Variants in PGM1 observed in about 807,000 individuals in gnomAD.
PGM1 encodes the protein phosphoglucomutase 1.
Under a neutral mutation model 55.6 loss-of-function variants are expected in PGM1, and 52 were observed. That is an observed-to-expected ratio of 0.94 (90% CI 0.75 to 1.18). PGM1 has a LOEUF of 1.18. Ranked by LOEUF, PGM1 falls within the 50% of genes most tolerant of loss-of-function variation. The pLI, the probability that PGM1 is intolerant of heterozygous loss-of-function variation, is 0.00. For missense variants in PGM1, 724 were observed against 729.3 expected (o/e 0.99, Z 0.08); for synonymous variants, 287 against 271.7 (o/e 1.06, Z -0.55).
intron 4 of PGM1, among the ~76,000 whole-genome samples, chr1:63,634,385 G>A (rs1023162381): frequency 1.3e-5 from 2 of 152,144 alleles, no homozygotes; most frequent in Non-Finnish European, 2.9e-5. Context: ...CTGAGGCACA[G>A]AGAGTTTAAA....
intron 1 of PGM1, among the ~76,000 whole-genome samples, chr1:63,608,066 G>A (rs1648471378): frequency 6.6e-6 from 1 of 152,220 alleles, no homozygotes; most frequent in Non-Finnish European, 1.5e-5. Context: ...AGAGGTGTCA[G>A]CATTGTTTGA....
chr1:63,630,816 T>C (rs1193097460), intron 3 of PGM1, among the ~76,000 whole-genome samples: 1 of 152,224 alleles, frequency 6.6e-6, no homozygotes, highest in Non-Finnish European at 1.5e-5. Context: ...ATGTTTTCTT[T>C]CTTCTGGATT....
At chr1:63,651,122 C>T (rs546847386) in intron 8 of PGM1, among the ~76,000 whole-genome samples, 34 of 152,132 alleles carry the variant, frequency 2.2e-4, no homozygotes, top group Non-Finnish European at 3.7e-4. Context: ...TGTTTGGCGT[C>T]TTCATCTGGT....
At chr1:63,641,008 T>G (rs899147272) in intron 7 of PGM1, among the ~76,000 whole-genome samples, 5 of 152,244 alleles carry the variant, frequency 3.3e-5, no homozygotes, top group African/African-American at 1.2e-4. Flanking sequence ...GGAAGTTGCA[T>G]AATACTGTTT....
intron 10 of PGM1, among the ~76,000 whole-genome samples, chr1:63,657,679 T>C (rs1368516527): frequency 6.6e-6 from 1 of 152,214 alleles, no homozygotes; most frequent in Non-Finnish European, 1.5e-5. Context: ...CCTTCCTGTG[T>C]CTGTGAATTT....
chr1:63,657,317 A>C (rs575560222), intron 10 of PGM1, among the ~76,000 whole-genome samples: 1 of 152,274 alleles, frequency 6.6e-6, no homozygotes, highest in South Asian at 2.1e-4. Context: ...AAGTTGTTAC[A>C]ATTTTATGAA....
intron 1 of PGM1, among the ~76,000 whole-genome samples, chr1:63,597,523 C>T (rs1375642878): frequency 6.6e-6 from 1 of 152,174 alleles, no homozygotes; most frequent in Non-Finnish European, 1.5e-5. Context: ...TGGTCTCCCA[C>T]CTTCCTCTAA....
intron 1 of PGM1, among the ~76,000 whole-genome samples, chr1:63,613,123 G>T (rs1648611673): frequency 6.6e-6 from 1 of 151,976 alleles, no homozygotes; most frequent in South Asian, 2.1e-4. Flanking sequence ...CCCATGCAGG[G>T]TTACTTAATG....
intron 1 of PGM1, among the ~76,000 whole-genome samples, chr1:63,624,972 T>G (rs1648981207): frequency 6.6e-6 from 1 of 152,236 alleles, no homozygotes; most frequent in Non-Finnish European, 1.5e-5. Context: ...GCATACACAT[T>G]TTTAAGATAA....
chr1:63,614,064 T>G (rs1453264163), intron 1 of PGM1, among the ~76,000 whole-genome samples: 6 of 152,214 alleles, frequency 3.9e-5, no homozygotes, highest in Non-Finnish European at 8.8e-5. Flanking sequence ...TGAGAATACC[T>G]ACACCACTGA....
intron 1 of PGM1, among the ~76,000 whole-genome samples, chr1:63,602,203 T>C (rs1648263319): frequency 1.3e-5 from 2 of 152,190 alleles, no homozygotes; most frequent in Non-Finnish European, 2.9e-5. Flanking sequence ...AGAAACTGGC[T>C]TGGGCAATGT....
At chr1:63,628,094 A>G (rs560214220) in intron 1 of PGM1, among the ~76,000 whole-genome samples, 1 of 152,206 alleles carries the variant, frequency 6.6e-6, no homozygotes, top group Admixed American at 6.5e-5. Context: ...TCATGTTTGC[A>G]GTGGTACTTG....
At chr1:63,647,282 AT>A (rs1280163992) in intron 7 of PGM1, among the ~76,000 whole-genome samples, 1 of 58,030 alleles carries the variant, frequency 1.7e-5, no homozygotes, top group Admixed American at 1.3e-4. Context: ...ATATATATAT[AT>A]ATATATATAT....
In PGM1 at chr1:63,631,673, G is replaced by C. The variant is rs112502842; in HGVS notation, c.573G>C (p.Ser191=). Reference sequence around the variant, plus strand: ...TTCTCACAGTGGAAATTGTGGATTCGGTAGAAGCTTATGCTACAATGCTGA... The same window carrying C: ...TTCTCACAGTGGAAATTGTGGATTCCGTAGAAGCTTATGCTACAATGCTGA... ...FKPFTVEIVD[S]VEAYATMLRS... The change falls in exon 4 of 11, where the codon TCG becomes TCC. Residue 191 remains serine, a synonymous_variant. Coordinates refer to ENST00000371084, the MANE Select transcript of PGM1 (RefSeq NM_002633.3). 6.2e-7 allele frequency: 1 copy of C among 1,613,214 alleles called. No individual in the cohort carries two copies. The highest frequency in any genetic ancestry group is 1.7e-5 in the Admixed American group (1 of 59,996).
intron 1 of PGM1, among the ~76,000 whole-genome samples, chr1:63,618,757 G>A (rs1209404231): frequency 6.6e-6 from 1 of 152,102 alleles, no homozygotes; most frequent in Non-Finnish European, 1.5e-5. Flanking sequence ...TGGAGGCACC[G>A]AGTCCAGAAT....
intron 1 of PGM1, among the ~76,000 whole-genome samples, chr1:63,595,262 T>C (rs1648027624): frequency 6.6e-6 from 1 of 152,200 alleles, no homozygotes; most frequent in African/African-American, 2.4e-5. Context: ...TAGATGCTAT[T>C]ATGGGTATCT....
At chr1:63,649,042 G>C (rs1395901209) in intron 8 of PGM1, among the ~76,000 whole-genome samples, 1 of 152,114 alleles carries the variant, frequency 6.6e-6, no homozygotes, top group Non-Finnish European at 1.5e-5. Flanking sequence ...TGTAGAAATG[G>C]GAATAACAGT....
intron 1 of PGM1, among the ~76,000 whole-genome samples, chr1:63,606,900 C>T (rs115980216): frequency 0.014 from 2,120 of 152,224 alleles, 48 homozygotes; most frequent in African/African-American, 0.049. Context: ...TCAATTATTC[C>T]AACCCCACTT....
At position 63,659,597 on chromosome 1, in the gene PGM1, C is replaced by T. The variant is rs769591886; in HGVS notation, c.1611C>T (p.Ala537=). The T allele has an allele frequency of 6.2e-7, 1 of 1,613,586 alleles. No homozygotes were observed. The highest frequency in any genetic ancestry group is 8.5e-7 in the Non-Finnish European group (1 of 1,179,692). ...TATGTCTTCCTCAGGTCATGTTGGC[C>T]CCCCTTATTTCCATTGCTCTGAAAG... ...KINQDPQVML[A]PLISIALKVS... The change falls in exon 11 of 11, where the codon GCC becomes GCT. Residue 537 remains alanine, a synonymous_variant. Coordinates refer to ENST00000371084, the MANE Select transcript of PGM1 (RefSeq NM_002633.3).
Sources: gnomAD v4.1 joint callset for allele counts (sites outside exome capture counted in the v4.1 genomes callset) on GRCh38, gnomAD v4.1.1 for gene constraint, MANE v1.5 for transcripts, NCBI Gene and HGNC (gene_info 2026-07-23, HGNC 2026-07-21) for gene names.